PPIL6: variants seen among roughly 807,000 people sequenced by gnomAD.
PPIL6 encodes the protein peptidylprolyl isomerase like 6.
PPIL6 carries 39 observed loss-of-function variants against 36.8 expected under a neutral mutation model. The observed-to-expected ratio is 1.06, with a 90% CI of 0.82 to 1.38. The LOEUF is 1.38. PPIL6 is among the 40% of genes most tolerant of loss of function. The pLI is 0.00. For missense variants in PPIL6, 368 were observed against 379.1 expected (o/e 0.97, Z 0.24); for synonymous variants, 123 against 134.1 (o/e 0.92, Z 0.57).
At chr6:109,433,114 T>C (rs1774251173) in intron 2 of PPIL6, among the ~76,000 whole-genome samples, 5 of 151,468 alleles carry the variant, frequency 3.3e-5, no homozygotes, top group South Asian at 4.2e-4. Context: ...TGGAGTGCAA[T>C]GGTGTGATCT....
intron 6 of PPIL6, chr6:109,403,151 T>G (rs1309528478): frequency 7.2e-7 from 1 of 1,380,808 alleles, no homozygotes; most frequent in Non-Finnish European, 9.7e-7. Flanking sequence ...TTAAATTAAA[T>G]TTTTTTAGAG....
intron 6 of PPIL6, among the ~76,000 whole-genome samples, chr6:109,414,368 C>T (rs528881718): frequency 1.4e-3 from 213 of 151,794 alleles, no homozygotes; most frequent in Non-Finnish European, 2.2e-3. Flanking sequence ...ATTTTTCTTT[C>T]ATTGCTTTCC....
chr6:109,395,034 C>T (rs1175264258), intron 7 of PPIL6, among the ~76,000 whole-genome samples: 2 of 152,282 alleles, frequency 1.3e-5, no homozygotes, highest in East Asian at 3.9e-4. Context: ...CCCCTCCAAC[C>T]AGTTCCCAAA....
Position 109,408,898 on chromosome 6 carries a change from C to T in PPIL6, c.689-8728G>A, listed in dbSNP as rs192224489. On this transcript the variant is annotated intron_variant, in intron 6 of 7. Transcript: ENST00000521072. ...GCCAGTATTACCCTGAATACCAAAA[C>T]CAGACAAAGGCACATCATAAAAAGA... Among the ~76,000 whole-genome samples, 4 of 152,252 alleles carry T rather than the reference C, an allele frequency of 2.6e-5. No homozygotes were observed. The East Asian group carries it at 7.7e-4, about 29-fold the overall frequency.
chr6:109,437,242 G>A (rs1301114350), intron 1 of PPIL6, among the ~76,000 whole-genome samples: 2 of 152,220 alleles, frequency 1.3e-5, no homozygotes, highest in Non-Finnish European at 2.9e-5. Flanking sequence ...GGTTTGGGAA[G>A]TAGATGGACC....
rs763017099 is a variant in PPIL6, at chr6:109,431,291, C to A, written c.286G>T (p.Gly96Cys). 1 of 1,600,472 alleles carries A rather than the reference C, an allele frequency of 6.2e-7. No individual in the cohort carries two copies. The highest frequency in any genetic ancestry group is 1.4e-5 in the African/African-American group (1 of 71,942). ...YSSSVISFVN[G>C]QFLGDALDLQ... ...TCCAATGCATCACCCAGAAACTGACCATTAACAAAAGAAATCACAGAGGAA... is the reference window on the plus strand; with the variant it reads ...TCCAATGCATCACCCAGAAACTGACAATTAACAAAAGAAATCACAGAGGAA... The change falls in exon 3 of 8, where the codon GGT becomes TGT. Residue 96 changes from glycine to cysteine, a missense_variant. By Grantham distance (159) the Gly-to-Cys change is radical. Transcript: ENST00000521072.
intron 6 of PPIL6, among the ~76,000 whole-genome samples, chr6:109,402,877 GTA>G (rs1222217972): frequency 6.6e-6 from 1 of 151,932 alleles, no homozygotes; most frequent in Admixed American, 6.6e-5. Context: ...GCATGATCTT[GTA>G]TGCATCAAAT....
intron 6 of PPIL6, 137 bp from the exon 7 acceptor site, chr6:109,400,307 A>G (rs764073229): frequency 3.4e-4 from 239 of 703,748 alleles, no homozygotes; most frequent in Non-Finnish European, 4.8e-4. Context: ...TAAATATTCT[A>G]TTCATTTCAA....
intron 7 of PPIL6, among the ~76,000 whole-genome samples, chr6:109,396,568 T>C (rs993582055): frequency 2.0e-5 from 3 of 152,226 alleles, no homozygotes; most frequent in Admixed American, 6.5e-5. Context: ...TTGTGATTTC[T>C]AGCTTCTCTA....
chr6:109,407,020 G>A (rs770079588), intron 6 of PPIL6, among the ~76,000 whole-genome samples: 3 of 152,162 alleles, frequency 2.0e-5, no homozygotes, highest in Non-Finnish European at 4.4e-5. Context: ...GGCTCATTTT[G>A]TAGATTTCCC....
At chr6:109,420,332 C>CAAAAAAAAAAAAAA (rs564751735) in intron 5 of PPIL6, among the ~76,000 whole-genome samples, 3 of 50,952 alleles carry the variant, frequency 5.9e-5, no homozygotes, top group East Asian at 5.6e-4. Flanking sequence ...GACTCCATCT[C>CAAAAAAAAAAAAAA]AAAAAAAAAA....
intron 7 of PPIL6, among the ~76,000 whole-genome samples, chr6:109,399,281 G>A (rs948066364): frequency 9.2e-5 from 14 of 151,866 alleles, no homozygotes; most frequent in Non-Finnish European, 7.4e-5. Flanking sequence ...CTAATTTTTT[G>A]TATTTTTAGT....
intron 7 of PPIL6, among the ~76,000 whole-genome samples, chr6:109,395,557 G>C (rs1488512410): frequency 6.6e-6 from 1 of 151,552 alleles, no homozygotes; most frequent in Admixed American, 6.6e-5. Flanking sequence ...AGTTCTACTG[G>C]ACAGTGCTGG....
At chr6:109,423,267 T>G (rs981094312) in intron 5 of PPIL6, among the ~76,000 whole-genome samples, 3 of 152,128 alleles carry the variant, frequency 2.0e-5, no homozygotes, top group Non-Finnish European at 1.5e-5. Flanking sequence ...CTCGGGAGGC[T>G]GAGGCAGGAG....
At chr6:109,440,864 C>T (rs115963563), upstream of PPIL6, 2,947 of 531,562 alleles carry the variant, frequency 5.5e-3, 89 homozygotes, top group African/African-American at 0.055. Context: ...GCGGCCCTTA[C>T]CGAGCCTGGG....
chr6:109,395,189 T>G (rs1772244668), intron 7 of PPIL6, among the ~76,000 whole-genome samples: 1 of 152,024 alleles, frequency 6.6e-6, no homozygotes, highest in East Asian at 1.9e-4. Context: ...GGTGGATCAC[T>G]TGAGGTCAGG....
intron 7 of PPIL6, 128 bp from the exon 8 acceptor site, chr6:109,393,065 C>G: frequency 1.6e-6 from 1 of 614,808 alleles, no homozygotes. Flanking sequence ...AACATCAGCT[C>G]TAAGTATCCT....
Position 109,391,224 on chromosome 6 carries a change from C to T in PPIL6, c.*1602G>A, listed in dbSNP as rs1772086256. 1 of 131,796 alleles carries T rather than the reference C, an allele frequency of 7.6e-6. No individual in the cohort carries two copies. 8.2% of individuals were successfully genotyped at this position (131,796 alleles called of 1,614,324 possible). A position where few individuals can be genotyped will look rare whatever the true frequency, so the allele number is the denominator to read the frequency against. Reference sequence around the variant, plus strand: ...AATGGCATGAATCAGGGAGGCAGAGCTTGCAGTGAGCCGAGATTGTGCCAC... The same window carrying T: ...AATGGCATGAATCAGGGAGGCAGAGTTTGCAGTGAGCCGAGATTGTGCCAC... On this transcript the variant is annotated 3_prime_UTR_variant, in exon 8 of 8. Transcript: ENST00000521072.
intron 3 of PPIL6, 122 bp downstream of exon 3, chr6:109,431,035 G>C (rs894198422): frequency 1.4e-6 from 1 of 722,226 alleles, no homozygotes; most frequent in East Asian, 2.5e-5. Context: ...ATGGAACTAG[G>C]CTTTAAACTT....
Sources: gnomAD v4.1 joint callset for allele counts (sites outside exome capture counted in the v4.1 genomes callset) on GRCh38, gnomAD v4.1.1 for gene constraint, MANE v1.5 for transcripts, NCBI Gene and HGNC (gene_info 2026-07-23, HGNC 2026-07-21) for gene names.